KEAP1: variants seen among roughly 807,000 people sequenced by gnomAD.
KEAP1 encodes the protein kelch like ECH associated protein 1.
KEAP1 carries 26 observed loss-of-function variants against 59.7 expected under a neutral mutation model. That is an observed-to-expected ratio of 0.44 (90% CI 0.32 to 0.60). KEAP1 has a LOEUF of 0.60. KEAP1 is among the 20% of genes least tolerant of loss of function. KEAP1 has a pLI of 0.06. For missense variants in KEAP1, 539 were observed against 871.4 expected (o/e 0.62, Z 4.80); for synonymous variants, 350 against 358.3 (o/e 0.98, Z 0.26).
In KEAP1 at chr19:10,491,852, G is replaced by A. The variant is rs756100668; in HGVS notation, c.1050C>T (p.Gly350=). The A allele has an allele frequency of 6.2e-7, 1 of 1,611,124 alleles. No homozygotes were observed. Among genetic ancestry groups the A allele is most frequent in the Non-Finnish European group, 8.5e-7 (1 of 1,178,902 alleles). The part of the protein sequence containing the change: ...SYLEAYNPSD[G]TWLRLADLQV... The stretch of plus-strand genomic sequence containing the variant: ...GCAGGTCCGCCAACCGGAGCCAGGT[G>A]CCGTCACTGGGGTTGTAAGCCTCCA... Residue 350 remains glycine, a synonymous_variant, in exon 3 of 6, where the codon GGC becomes GGT. Transcript: ENST00000171111. This position sits in a 1 kb window ranked among gnomAD's most constrained non-coding sequence, Gnocchi z 5.2.
At chr19:10,494,092 C>T (rs1914769401) in intron 2 of KEAP1, among the ~76,000 whole-genome samples, 2 of 151,946 alleles carry the variant, frequency 1.3e-5, no homozygotes, top group Non-Finnish European at 2.9e-5. Context: ...CAGGTGTGTG[C>T]CACCACGCAC....
intron 1 of KEAP1, among the ~76,000 whole-genome samples, chr19:10,500,968 C>A (rs1184403665): frequency 6.6e-6 from 1 of 152,260 alleles, no homozygotes; most frequent in South Asian, 2.1e-4. Flanking sequence ...GCGTAAGCCA[C>A]CATGCCTGAC....
intron 5 of KEAP1, among the ~76,000 whole-genome samples, chr19:10,487,045 A>C (rs1270339900): frequency 6.6e-6 from 1 of 151,374 alleles, no homozygotes; most frequent in Non-Finnish European, 1.5e-5. Context: ...CTAAAAAAAA[A>C]AAAAAAAAAA....
At chr19:10,496,015 T>A (rs1268554285) in intron 2 of KEAP1, among the ~76,000 whole-genome samples, 1 of 151,570 alleles carries the variant, frequency 6.6e-6, no homozygotes, top group Admixed American at 6.6e-5. Context: ...CGAGACCTCA[T>A]CTCTACCAAG....
At position 10,496,202 on chromosome 19, in the gene KEAP1, A is replaced by G. The variant is rs1231118295; in HGVS notation, c.639+3193T>C. ...AGACCCTGTCTCTAAAAAAAGAAAA[A>G]AAAAAAAAAAAGGCCAGGTGCGGTG... is the stretch of plus-strand genomic sequence containing the variant. On this transcript the variant is annotated intron_variant, in intron 2 of 5. Transcript: ENST00000171111. Among the ~76,000 whole-genome samples, 788 of 151,200 alleles carry G rather than the reference A, an allele frequency of 5.2e-3. 8 individuals are homozygous for G. The highest frequency in any genetic ancestry group is 0.018 in the African/African-American group (736 of 41,198).
At position 10,486,773 on chromosome 19, in the gene KEAP1, T is replaced by A. The variant is rs1318971043; in HGVS notation, c.1754A>T (p.Asp585Val). The stretch of plus-strand genomic sequence containing the variant: ...CTCGCTCCAGGTGTCTGTATCTGGG[T>A]CGTAACACTCCACACTGTCCAGGAA... ...HTFLDSVECY[D>V]PDTDTWSEVT... The change falls in exon 6 of 6, where the codon GAC becomes GTC. Residue 585 changes from aspartate (D) to valine (V), a missense_variant. By Grantham distance (152) the Asp-to-Val change is radical. Transcript: ENST00000171111. The A allele has an allele frequency of 1.9e-6, 3 of 1,613,876 alleles. No homozygotes were observed. The South Asian group carries it at 3.3e-5, about 18-fold the overall frequency.
At chr19:10,488,222 G>T (rs562302328) in intron 5 of KEAP1, among the ~76,000 whole-genome samples, 1 of 152,298 alleles carries the variant, frequency 6.6e-6, no homozygotes, top group South Asian at 2.1e-4. Context: ...GGGAAGCAGA[G>T]GTTGCAGTGA....
At chr19:10,497,123 C>CAAA (rs34492223) in intron 2 of KEAP1, among the ~76,000 whole-genome samples, 1 of 99,116 alleles carries the variant, frequency 1.0e-5, no homozygotes. Context: ...GACTCCGTCT[C>CAAA]AAAAAAAAAA....
rs1417183826 is a variant in KEAP1, at chr19:10,489,768, GACGATTGAGGACAGCC to G, written c.1395_1410del (p.Ala466SerfsTer29). Reference sequence around the variant, plus strand: ...TCAAAGCCCCCCACGGCATAAAGGAGACGATTGAGGACAGCCACGCCCACCCCGATCCTTCGTGTCA... The same window carrying G: ...TCAAAGCCCCCCACGGCATAAAGGAGACGCCCACCCCGATCCTTCGTGTCA... On this transcript the variant is annotated frameshift_variant, in exon 4 of 6. Transcript: ENST00000171111. LOFTEE classifies it high-confidence loss of function. 6.2e-7 allele frequency: 1 copy of G among 1,614,008 alleles called. No homozygotes were observed. Among genetic ancestry groups the G allele is most frequent in the Non-Finnish European group, 8.5e-7 (1 of 1,180,044 alleles).
chr19:10,495,634 A>G (rs1044696847), intron 2 of KEAP1, among the ~76,000 whole-genome samples: 3 of 151,874 alleles, frequency 2.0e-5, no homozygotes, highest in African/African-American at 7.3e-5. Context: ...GGAGGCAGAG[A>G]TTGCAGTGAG....
Position 10,486,264 on chromosome 19 carries a change from C to T in KEAP1, c.*388G>A. 1 of 251,322 alleles carries T rather than the reference C, an allele frequency of 4.0e-6. No homozygotes were observed. The highest frequency in any genetic ancestry group is 7.7e-6 in the Non-Finnish European group (1 of 129,950). The allele number at this position is 251,322 out of a possible 1,614,324, so 15.6% of individuals were successfully genotyped here. On this transcript the variant is annotated 3_prime_UTR_variant, in exon 6 of 6. Coordinates refer to ENST00000171111, the MANE Select transcript of KEAP1 (RefSeq NM_203500.2). ...GGCCCATCCCTGGGAACCACATTTC[C>T]AGAGGGGGCCTCCCCCTGAGGCCCC... is the stretch of plus-strand genomic sequence containing the variant.
At position 10,486,573 on chromosome 19, in the gene KEAP1, T is replaced by C. The variant is rs979186800; in HGVS notation, c.*79A>G. On this transcript the variant is annotated 3_prime_UTR_variant, in exon 6 of 6. Coordinates refer to ENST00000171111, the MANE Select transcript of KEAP1 (RefSeq NM_203500.2). ...GATGGGTTATTTGCAGTGCTGTCTT[T>C]TCTTTTAGTCCCGGTTTTTGTACAA... 4.2e-6 allele frequency: 6 copies of C among 1,422,248 alleles called. No individual in the cohort carries two copies. The highest frequency in any genetic ancestry group is 5.8e-6 in the Non-Finnish European group (6 of 1,028,954). 88.1% of individuals were successfully genotyped at this position (1,422,248 alleles called of 1,614,324 possible). A position where few individuals can be genotyped will look rare whatever the true frequency, so the allele number is the denominator to read the frequency against.
rs755995530 is a variant in KEAP1, at chr19:10,492,112, C to T, written c.790G>A (p.Val264Ile). The T allele has an allele frequency of 1.2e-6, 2 of 1,613,896 alleles. No individual in the cohort carries two copies. The highest frequency in any genetic ancestry group is 1.7e-6 in the Non-Finnish European group (2 of 1,180,038). Residue 264 changes from valine (V) to isoleucine (I), a missense_variant, in exon 3 of 6, where the codon GTC becomes ATC. By Grantham distance (29) the Val-to-Ile change is conservative. This residue lies in a region of KEAP1 where 61 missense variants were observed against 129.9 expected (regional missense o/e 0.47). Transcript: ENST00000171111. Reference sequence around the variant, plus strand: ...CGCACGGCCCGCAGCAGCGCCTGGACGTAGAACCGTCGCTGTTCGCAGTCG... The same window carrying T: ...CGCACGGCCCGCAGCAGCGCCTGGATGTAGAACCGTCGCTGTTCGCAGTCG... Reference protein sequence around the residue: ...KYDCEQRRFYVQALLRAVRCH... With the variant: ...KYDCEQRRFYIQALLRAVRCH...
chr19:10,486,722 C>A lies in KEAP1; in HGVS notation c.1805G>T (p.Ser602Ile), dbSNP rs1163581483. The A allele has an allele frequency of 1.2e-6, 2 of 1,614,150 alleles. No individual in the cohort carries two copies. Among genetic ancestry groups the A allele is most frequent in the Non-Finnish European group, 1.7e-6 (2 of 1,180,042 alleles). Residue 602 changes from serine to isoleucine, a missense_variant, in exon 6 of 6, where the codon AGT (serine) becomes ATT (isoleucine). By Grantham distance (142) the Ser-to-Ile change is moderately radical. Transcript: ENST00000171111. ...CATGGTGACAGCCACGCCCACCCCA[C>A]TCCGGCCCGATGTCATTCGGGTCAC... Reference protein sequence around the residue: ...SEVTRMTSGRSGVGVAVTMEP... With the variant: ...SEVTRMTSGRIGVGVAVTMEP...
chr19:10,488,808 G>A (rs556489713), intron 5 of KEAP1, among the ~76,000 whole-genome samples: 21 of 151,580 alleles, frequency 1.4e-4, no homozygotes, highest in Non-Finnish European at 1.0e-4. Context: ...GCATGTGCCT[G>A]TAGTCGCAGC....
At chr19:10,492,530 C>A (rs1255372013) in intron 2 of KEAP1, 11 of 439,312 alleles carry the variant, frequency 2.5e-5, no homozygotes, top group Non-Finnish European at 4.2e-5. Flanking sequence ...CAAGCCTGGC[C>A]AATATGGTGA....
In KEAP1 at chr19:10,491,523, G is replaced by A; in HGVS notation, c.1325+54C>T. ...AAGAATACCCGGATCTCAGTGTCTT[G>A]GGACTTGCCAGGAGCAGGACCCTCC... is the stretch of plus-strand genomic sequence containing the variant. On this transcript the variant is annotated intron_variant, in intron 3 of 5. Coordinates refer to ENST00000171111, the MANE Select transcript of KEAP1 (RefSeq NM_203500.2). The surrounding 1 kb of genome is among the most constrained non-coding windows in gnomAD (Gnocchi z 5.2). 1 of 1,413,042 alleles carries A rather than the reference G, an allele frequency of 7.1e-7. No individual in the cohort carries two copies. Among genetic ancestry groups the A allele is most frequent in the Non-Finnish European group, 9.4e-7 (1 of 1,063,018 alleles). 87.5% of individuals were successfully genotyped at this position (1,413,042 alleles called of 1,614,324 possible). A position where few individuals can be genotyped will look rare whatever the true frequency, so the allele number is the denominator to read the frequency against.
intron 2 of KEAP1, among the ~76,000 whole-genome samples, chr19:10,494,308 A>G (rs1307416056): frequency 6.8e-6 from 1 of 147,960 alleles, no homozygotes; most frequent in Non-Finnish European, 1.5e-5. Context: ...ACAGGTGTGC[A>G]TCACCATACC....
chr19:10,499,562 C>T lies in KEAP1; in HGVS notation c.472G>A (p.Gly158Ser), dbSNP rs2144626045. 6.2e-7 allele frequency: 1 copy of T among 1,614,108 alleles called. No homozygotes were observed. The highest frequency in any genetic ancestry group is 8.5e-7 in the Non-Finnish European group (1 of 1,180,030). ...CTGTCGATCTGGTACATGACAGCAC[C>T]GTTCATGACGTGGAGGACACACTTC... is the stretch of plus-strand genomic sequence containing the variant. Reference protein sequence around the residue: ...GEKCVLHVMNGAVMYQIDSVV... With the variant: ...GEKCVLHVMNSAVMYQIDSVV... The change falls in exon 2 of 6, where the codon GGT (glycine) becomes AGT (serine). Residue 158 changes from glycine (G) to serine (S), a missense_variant. This residue lies in a region of KEAP1 where 166 missense variants were observed against 295.8 expected (regional missense o/e 0.56). Coordinates refer to ENST00000171111, the MANE Select transcript of KEAP1 (RefSeq NM_203500.2). The surrounding 1 kb of genome is among the most constrained non-coding windows in gnomAD (Gnocchi z 6.7).
Sources: gnomAD v4.1 joint callset for allele counts (sites outside exome capture counted in the v4.1 genomes callset) on GRCh38, gnomAD v4.1.1 for gene constraint, gnomAD v4.1.1 regional missense constraint, Gnocchi (gnomAD v3.1) non-coding constraint, MANE v1.5 for transcripts, NCBI Gene and HGNC (gene_info 2026-07-23, HGNC 2026-07-21) for gene names.